SMIM31: variants seen among roughly 807,000 people sequenced by gnomAD.
SMIM31 encodes small integral membrane protein 31, also known as human epithelial cell program regulator.
intron 1 of SMIM31, among the ~76,000 whole-genome samples, chr4:164,769,995 T>C (rs1732772485): frequency 6.6e-6 from 1 of 152,210 alleles, no homozygotes; most frequent in African/African-American, 2.4e-5. Context: ...AGTTTCTTCA[T>C]TTATGAAATG....
chr4:164,764,193 T>C (rs769706027), intron 1 of SMIM31, among the ~76,000 whole-genome samples: 20 of 152,164 alleles, frequency 1.3e-4, no homozygotes, highest in Non-Finnish European at 2.6e-4. Context: ...CTCACTATCA[T>C]TGGAGGCATG....
intron 1 of SMIM31, 116 bp from the exon 2 acceptor site, chr4:164,770,303 A>C (rs1732776082): frequency 1.3e-5 from 5 of 394,210 alleles, no homozygotes; most frequent in Middle Eastern, 6.3e-4. Flanking sequence ...GGTACACAGA[A>C]GTATTTTAAC....
Position 164,801,634 on chromosome 4 carries a change from T to C in SMIM31, c.*440T>C, listed in dbSNP as rs1433520344. On this transcript the variant is annotated 3_prime_UTR_variant, in exon 3 of 3. Transcript: ENST00000507311. ...TGAAAAGCTATAAGTAACTGTGTTA[T>C]TGCTTCCGTATCTGAAATAGGTGAA... is the stretch of plus-strand genomic sequence containing the variant. 1.3e-5 allele frequency: 2 copies of C among 152,558 alleles called. No individual in the cohort carries two copies. Among genetic ancestry groups the C allele is most frequent in the African/African-American group, 4.8e-5 (2 of 41,460 alleles). The allele number at this position is 152,558 out of a possible 1,614,324, so 9.5% of individuals were successfully genotyped here.
intron 2 of SMIM31, among the ~76,000 whole-genome samples, chr4:164,781,997 A>C (rs1732956109): frequency 6.6e-6 from 1 of 152,152 alleles, no homozygotes; most frequent in Non-Finnish European, 1.5e-5. Flanking sequence ...CTACCTTAAA[A>C]AGTGAATTTT....
intron 1 of SMIM31, among the ~76,000 whole-genome samples, chr4:164,760,214 C>T (rs112125094): frequency 7.0e-4 from 106 of 152,180 alleles, no homozygotes; most frequent in African/African-American, 2.2e-3. Flanking sequence ...AGGATACTGG[C>T]TTTTAATCTG....
chr4:164,776,291 T>C (rs1446778502), intron 2 of SMIM31, among the ~76,000 whole-genome samples: 1 of 152,220 alleles, frequency 6.6e-6, no homozygotes, highest in Non-Finnish European at 1.5e-5. Context: ...GTTATGTTTA[T>C]ATGAGTAGGA....
At chr4:164,787,944 G>T (rs192407604) in intron 2 of SMIM31, among the ~76,000 whole-genome samples, 1 of 151,950 alleles carries the variant, frequency 6.6e-6, no homozygotes, top group African/African-American at 2.4e-5. Flanking sequence ...ACATATTATC[G>T]TCAATTTTTC....
chr4:164,771,594 G>T, intron 2 of SMIM31, among the ~76,000 whole-genome samples: 1 of 151,288 alleles, frequency 6.6e-6, no homozygotes, highest in East Asian at 2.0e-4. Flanking sequence ...GAGGTCAGGA[G>T]ATCAAGACCA....
intron 2 of SMIM31, among the ~76,000 whole-genome samples, chr4:164,794,372 G>C (rs1733159845): frequency 6.6e-6 from 1 of 151,608 alleles, no homozygotes; most frequent in Non-Finnish European, 1.5e-5. Context: ...GACAGAATGA[G>C]ACCCTGTCTC....
At chr4:164,764,148 A>T (rs11940130) in intron 1 of SMIM31, among the ~76,000 whole-genome samples, 2,866 of 152,328 alleles carry the variant, frequency 0.019, 75 homozygotes, top group African/African-American at 0.065. Flanking sequence ...TTGGTCAAAT[A>T]GCTGTCCAGC....
intron 2 of SMIM31, among the ~76,000 whole-genome samples, chr4:164,785,352 T>G (rs2110951020): frequency 6.6e-6 from 1 of 152,342 alleles, no homozygotes; most frequent in Middle Eastern, 3.4e-3. Flanking sequence ...TTTGCTTGTT[T>G]GTTTACACTT....
chr4:164,767,300 A>G (rs1020368513), intron 1 of SMIM31, among the ~76,000 whole-genome samples: 1 of 152,226 alleles, frequency 6.6e-6, no homozygotes, highest in African/African-American at 2.4e-5. Flanking sequence ...ATGACATATC[A>G]AGGTAACCAG....
chr4:164,800,312 C>T (rs1472782811), intron 2 of SMIM31, among the ~76,000 whole-genome samples: 4 of 151,946 alleles, frequency 2.6e-5, no homozygotes, highest in African/African-American at 9.7e-5. Context: ...CAGTTTCAAG[C>T]AATTATCCTG....
intron 2 of SMIM31, among the ~76,000 whole-genome samples, chr4:164,784,866 G>A (rs572934539): frequency 4.4e-4 from 66 of 150,286 alleles, no homozygotes; most frequent in Admixed American, 8.6e-4. Flanking sequence ...ATCATCAGCC[G>A]CTCCCCAAGG....
At chr4:164,794,386 A>G (rs1221600439) in intron 2 of SMIM31, among the ~76,000 whole-genome samples, 1 of 152,144 alleles carries the variant, frequency 6.6e-6, no homozygotes, top group African/African-American at 2.4e-5. Flanking sequence ...CTGTCTCAGA[A>G]GAAAAAAGAA....
At chr4:164,779,539 A>AT (rs11352211) in intron 2 of SMIM31, among the ~76,000 whole-genome samples, 2 of 152,006 alleles carry the variant, frequency 1.3e-5, no homozygotes, top group Middle Eastern at 3.4e-3. Flanking sequence ...AAAGTCAGCA[A>AT]TTTTTTTTTG....
intron 2 of SMIM31, among the ~76,000 whole-genome samples, chr4:164,779,360 A>C (rs1478312341): frequency 1.3e-5 from 2 of 152,242 alleles, no homozygotes; most frequent in Non-Finnish European, 2.9e-5. Flanking sequence ...TGTTAGGAAA[A>C]AAATGCCAAA....
intron 1 of SMIM31, among the ~76,000 whole-genome samples, chr4:164,755,345 T>C (rs1278708318): frequency 2.7e-5 from 4 of 150,118 alleles, no homozygotes; most frequent in Non-Finnish European, 5.9e-5. Context: ...CTGGACACGG[T>C]GGTGTGTGCC....
chr4:164,773,016 A>T (rs1323589792), intron 2 of SMIM31, among the ~76,000 whole-genome samples: 1 of 146,026 alleles, frequency 6.8e-6, no homozygotes, highest in African/African-American at 2.6e-5. Flanking sequence ...ACCTTGAAAA[A>T]GACACTTGGC....
Sources: allele counts gnomAD v4.1 joint callset (sites outside exome capture counted in the v4.1 genomes callset), GRCh38; gene constraint gnomAD v4.1.1; transcripts MANE v1.5; gene names NCBI Gene and HGNC (gene_info 2026-07-23, HGNC 2026-07-21).